RNF180: variants seen among roughly 807,000 people sequenced by gnomAD.
RNF180 encodes the protein ring finger protein 180, also known as E3 ubiquitin-protein ligase RNF180.
A neutral mutation model predicts 59.2 loss-of-function variants in RNF180; 38 were observed. The observed-to-expected ratio is 0.64, with a 90% CI of 0.50 to 0.84. The LOEUF is 0.84. RNF180 is among the 40% of genes least tolerant of loss of function. The probability of loss-of-function intolerance (pLI) is 0.00; values close to 1 mark genes in which losing one functional copy is unlikely to be tolerated. For synonymous variants in RNF180, 262 were observed against 240.3 expected (o/e 1.09, Z -0.84); for missense variants, 705 against 700.9 (o/e 1.01, Z -0.07).
At chr5:64,215,001 G>A (rs987051742) in intron 4 of RNF180, among the ~76,000 whole-genome samples, 3 of 152,134 alleles carry the variant, frequency 2.0e-5, no homozygotes, top group East Asian at 3.9e-4. Context: ...GGGCTCACAC[G>A]ATCTAGTTAT....
chr5:64,282,357 G>C (rs1413173474), intron 5 of RNF180, among the ~76,000 whole-genome samples: 2 of 152,082 alleles, frequency 1.3e-5, no homozygotes, highest in Non-Finnish European at 1.5e-5. Flanking sequence ...TAGTCTCTGA[G>C]GGTTATTTGT....
intron 5 of RNF180, among the ~76,000 whole-genome samples, chr5:64,300,300 A>ATTT (rs940381404): frequency 4.6e-5 from 7 of 151,834 alleles, no homozygotes; most frequent in African/African-American, 1.7e-4. Context: ...AAATTGCGAA[A>ATTT]GTTAAACCCA....
intron 1 of RNF180, among the ~76,000 whole-genome samples, chr5:64,177,143 G>A (rs902288808): frequency 4.6e-5 from 7 of 152,138 alleles, no homozygotes; most frequent in Non-Finnish European, 7.4e-5. Context: ...ATAGCTACAC[G>A]TGTCTGACTT....
chr5:64,171,505 C>T (rs1392045559), intron 1 of RNF180, among the ~76,000 whole-genome samples: 2 of 152,178 alleles, frequency 1.3e-5, no homozygotes. Context: ...TGGATGAAGT[C>T]TCATTGTACA....
chr5:64,188,553 T>C (rs1750980909), intron 1 of RNF180, among the ~76,000 whole-genome samples: 1 of 152,214 alleles, frequency 6.6e-6, no homozygotes, highest in African/African-American at 2.4e-5. Context: ...TTTGCTCCTT[T>C]CATAAATTTA....
At chr5:64,194,447 T>G (rs1413338076) in intron 1 of RNF180, among the ~76,000 whole-genome samples, 1 of 152,220 alleles carries the variant, frequency 6.6e-6, no homozygotes, top group African/African-American at 2.4e-5. Context: ...CTATTGTGAA[T>G]AGTGCCACAA....
chr5:64,341,919 G>A (rs1745369954), intron 7 of RNF180, among the ~76,000 whole-genome samples: 1 of 152,164 alleles, frequency 6.6e-6, no homozygotes, highest in African/African-American at 2.4e-5. Flanking sequence ...GCTCAGGGCT[G>A]TCCTCTTCTG....
At position 64,278,657 on chromosome 5, in the gene RNF180, G is replaced by T. The variant is rs80353147; in HGVS notation, c.1228-46529G>T. Among the ~76,000 whole-genome samples the T allele has an allele frequency of 4.4e-3, 664 of 152,282 alleles. 5 individuals are homozygous for T. Among genetic ancestry groups the T allele is most frequent in the African/African-American group, 0.015 (631 of 41,560 alleles). On this transcript the variant is annotated intron_variant, in intron 5 of 7. Transcript: ENST00000389100. The stretch of plus-strand genomic sequence containing the variant: ...TTTCCTTCTTAGATGAATAATAATT[G>T]GATCGTGGTAACAGTAATTAAGATT...
intron 6 of RNF180, among the ~76,000 whole-genome samples, chr5:64,327,424 T>C (rs1432715849): frequency 1.3e-5 from 2 of 152,176 alleles, no homozygotes; most frequent in Non-Finnish European, 2.9e-5. Flanking sequence ...TTTATTGCTA[T>C]GAACTTGCCT....
At chr5:64,175,695 T>C (rs1038060423) in intron 1 of RNF180, among the ~76,000 whole-genome samples, 1 of 152,218 alleles carries the variant, frequency 6.6e-6, no homozygotes, top group Non-Finnish European at 1.5e-5. Flanking sequence ...ATCTGTAGAT[T>C]GCCTTGAGTA....
At chr5:64,295,384 G>A (rs1742829145) in intron 5 of RNF180, among the ~76,000 whole-genome samples, 1 of 152,202 alleles carries the variant, frequency 6.6e-6, no homozygotes, top group African/African-American at 2.4e-5. Context: ...ACCTGTCAGT[G>A]ATGTGGTATT....
chr5:64,270,845 T>TA (rs1741360216), intron 5 of RNF180, among the ~76,000 whole-genome samples: 1 of 152,094 alleles, frequency 6.6e-6, no homozygotes, highest in African/African-American at 2.4e-5. Context: ...GAAAGGAAAT[T>TA]CAAATAATTT....
chr5:64,183,541 T>G (rs917378226), intron 1 of RNF180, among the ~76,000 whole-genome samples: 3 of 136,934 alleles, frequency 2.2e-5, no homozygotes, highest in Admixed American at 1.6e-4. Flanking sequence ...TCCACCTCCC[T>G]GGTTCAAGCA....
intron 5 of RNF180, among the ~76,000 whole-genome samples, chr5:64,245,394 C>A (rs1743088840): frequency 6.6e-6 from 1 of 152,136 alleles, no homozygotes; most frequent in African/African-American, 2.4e-5. Context: ...CAAAGACACA[C>A]ATAAGCTCAA....
chr5:64,165,505 C>G (rs961770994), upstream of RNF180, among the ~76,000 whole-genome samples: 4 of 152,214 alleles, frequency 2.6e-5, no homozygotes, highest in East Asian at 3.8e-4. Flanking sequence ...AGGGAACAGA[C>G]CCAGTAGTTG....
chr5:64,359,342 T>C (rs1274524665), intron 7 of RNF180, among the ~76,000 whole-genome samples: 1 of 149,528 alleles, frequency 6.7e-6, no homozygotes, highest in African/African-American at 2.4e-5. Flanking sequence ...TGGTGTGAGA[T>C]GGTATCTCAT....
intron 2 of RNF180, among the ~76,000 whole-genome samples, chr5:64,209,632 C>T (rs1349113659): frequency 3.9e-5 from 6 of 152,008 alleles, no homozygotes; most frequent in Admixed American, 3.9e-4. Context: ...AATTTCCTCC[C>T]TCTCTCTGTC....
intron 1 of RNF180, among the ~76,000 whole-genome samples, chr5:64,195,357 A>G (rs1414337660): frequency 6.6e-6 from 1 of 152,230 alleles, no homozygotes; most frequent in Non-Finnish European, 1.5e-5. Context: ...AAAGTTATGT[A>G]GTTAAAATCA....
intron 5 of RNF180, among the ~76,000 whole-genome samples, chr5:64,232,777 C>T (rs1181406478): frequency 6.6e-6 from 1 of 152,148 alleles, no homozygotes; most frequent in Non-Finnish European, 1.5e-5. Context: ...CTACTGTGTG[C>T]CAGGTACTGC....
Sources: allele counts gnomAD v4.1 joint callset (sites outside exome capture counted in the v4.1 genomes callset), GRCh38; gene constraint gnomAD v4.1.1; transcripts MANE v1.5; gene names NCBI Gene and HGNC (gene_info 2026-07-23, HGNC 2026-07-21).